The following TBC1D32 variants were observed in gnomAD, a reference collection of about 807,000 sequenced individuals.
The protein encoded by TBC1D32 is TBC1 domain family member 32.
A neutral mutation model predicts 170.3 loss-of-function variants in TBC1D32; 151 were observed. That is an observed-to-expected ratio of 0.89 (90% CI 0.78 to 1.01). TBC1D32 has a LOEUF of 1.01. Among genes scored for constraint, TBC1D32 ranks in the 50% least tolerant of loss-of-function variants. The pLI, the probability that TBC1D32 is intolerant of heterozygous loss-of-function variation, is 0.00. For missense variants in TBC1D32, 1,464 were observed against 1,457.1 expected (o/e 1.00, Z -0.08); for synonymous variants, 498 against 488.0 (o/e 1.02, Z -0.27).
intron 29 of TBC1D32, among the ~76,000 whole-genome samples, chr6:121,111,048 C>A (rs1779156997): frequency 6.6e-6 from 1 of 152,116 alleles, no homozygotes. Flanking sequence ...GAGATCATTC[C>A]GAAAACCCCG....
intron 22 of TBC1D32, among the ~76,000 whole-genome samples, chr6:121,180,244 T>A (rs1279071763): frequency 6.6e-6 from 1 of 152,124 alleles, no homozygotes; most frequent in Non-Finnish European, 1.5e-5. Context: ...TTCTGGAATT[T>A]ATATGGAAAG....
At position 121,304,339 on chromosome 6, in the gene TBC1D32, C is replaced by T. The variant is rs1010909757; in HGVS notation, c.935+26G>A. ...GGCAGTAACACCGCTAGGTTTTATG[C>T]TGGCATACATTGGGAGGGGACTTAC... On this transcript the variant is annotated intron_variant, in intron 8 of 31. Transcript: ENST00000398212. 4.3e-6 allele frequency: 7 copies of T among 1,609,346 alleles called. No homozygotes were observed. In the African/African-American group the frequency reaches 9.4e-5, roughly 22 times the overall value.
At chr6:121,226,195 A>T (rs1345285398) in intron 20 of TBC1D32, among the ~76,000 whole-genome samples, 2 of 152,126 alleles carry the variant, frequency 1.3e-5, no homozygotes, top group African/African-American at 4.8e-5. Flanking sequence ...TAAAAATAGG[A>T]ATAAAGGCAT....
In TBC1D32 at chr6:121,081,514, C is replaced by T. The variant is rs564145995; in HGVS notation, c.3655-624G>A. ...TACACTCAAGGCAAAACAAAATATG[C>T]GAAGAAAAGTCATCTTTGATTCAGT... On this transcript the variant is annotated intron_variant, in intron 31 of 31. Transcript: ENST00000398212. Among the ~76,000 whole-genome samples, 38 of 151,838 alleles carry T rather than the reference C, an allele frequency of 2.5e-4. 2 individuals are homozygous for T. The highest frequency in any genetic ancestry group is 8.7e-4 in the African/African-American group (36 of 41,428).
At chr6:121,110,699 T>A (rs966460323) in intron 29 of TBC1D32, among the ~76,000 whole-genome samples, 1 of 152,182 alleles carries the variant, frequency 6.6e-6, no homozygotes, top group Non-Finnish European at 1.5e-5. Context: ...CACTTTTAAA[T>A]AATATATTAA....
At chr6:121,272,103 A>C (rs1801528663) in intron 15 of TBC1D32, among the ~76,000 whole-genome samples, 1 of 152,182 alleles carries the variant, frequency 6.6e-6, no homozygotes, top group African/African-American at 2.4e-5. Flanking sequence ...TACAAAAATT[A>C]ATTCAAGATG....
chr6:121,282,634 G>A (rs1292629058), intron 13 of TBC1D32, among the ~76,000 whole-genome samples: 1 of 151,624 alleles, frequency 6.6e-6, no homozygotes, highest in East Asian at 1.9e-4. Context: ...TTATTGATGA[G>A]CATATGGTCA....
chr6:121,308,068 C>T lies in TBC1D32; in HGVS notation c.598G>A (p.Ala200Thr), dbSNP rs766753507. ...CAGTTGAGGACATCAGATGGAGGAG[C>T]TGAACATAATGTTTGCAAGGCTTCA... The part of the protein sequence containing the change: ...RYEALQTLCS[A>T]PPSDVLNCEN... Residue 200 changes from alanine to threonine, a missense_variant, in exon 5 of 32, where the codon GCT becomes ACT. Ala to Thr is a moderately conservative substitution (Grantham distance 58). Coordinates refer to ENST00000398212, the MANE Select transcript of TBC1D32 (RefSeq NM_152730.6). The T allele has an allele frequency of 6.2e-7, 1 of 1,613,632 alleles. No individual in the cohort carries two copies. Among genetic ancestry groups the T allele is most frequent in the Non-Finnish European group, 8.5e-7 (1 of 1,179,918 alleles).
chr6:121,189,363 T>G (rs145448796), intron 22 of TBC1D32, among the ~76,000 whole-genome samples: 78 of 152,100 alleles, frequency 5.1e-4, no homozygotes, highest in Non-Finnish European at 1.0e-3. Flanking sequence ...ACTGACACAG[T>G]GAGTCTAACT....
At chr6:121,155,373 C>A (rs929595675) in intron 24 of TBC1D32, among the ~76,000 whole-genome samples, 5 of 152,050 alleles carry the variant, frequency 3.3e-5, no homozygotes, top group African/African-American at 1.2e-4. Context: ...TTACTGAAAT[C>A]ATTTATCATT....
chr6:121,214,786 T>A lies in TBC1D32; in HGVS notation c.2481+8450A>T, dbSNP rs550199383. ...GAGGCATGTTTCGGTCCTGTTTGTG[T>A]TACTGCTCTTTCAGTCCTCCCATTT... On this transcript the variant is annotated intron_variant, in intron 21 of 31. Transcript: ENST00000398212. Among the ~76,000 whole-genome samples, 374 of 152,318 alleles carry A rather than the reference T, an allele frequency of 2.5e-3. 2 individuals carry two copies. The highest frequency in any genetic ancestry group is 8.6e-3 in the African/African-American group (357 of 41,574).
At position 121,227,646 on chromosome 6, in the gene TBC1D32, C is replaced by G. The variant is rs1583299839; in HGVS notation, c.2365-4294G>C. On this transcript the variant is annotated intron_variant, in intron 20 of 31. Transcript: ENST00000398212. Reference sequence around the variant, plus strand: ...TGAAACATTTAACCAACTTTATGTTCCTGGAATAAATCCCACTTGATCATA... The same window carrying G: ...TGAAACATTTAACCAACTTTATGTTGCTGGAATAAATCCCACTTGATCATA... Among the ~76,000 whole-genome samples, 3 of 152,046 alleles carry G rather than the reference C, an allele frequency of 2.0e-5. No individual in the cohort carries two copies. The South Asian group carries it at 6.2e-4, about 32-fold the overall frequency.
At chr6:121,149,548 T>G (rs576593307) in intron 24 of TBC1D32, among the ~76,000 whole-genome samples, 1 of 152,198 alleles carries the variant, frequency 6.6e-6, no homozygotes, top group Admixed American at 6.5e-5. Flanking sequence ...GTCAGGTTTG[T>G]CAAAGATCAG....
intron 22 of TBC1D32, among the ~76,000 whole-genome samples, chr6:121,178,795 C>A (rs1215694922): frequency 1.3e-5 from 2 of 152,170 alleles, no homozygotes; most frequent in Non-Finnish European, 2.9e-5. Context: ...CAATAGACAG[C>A]TGTAAGAAAG....
chr6:121,315,958 T>C (rs549495569), intron 3 of TBC1D32, among the ~76,000 whole-genome samples: 7 of 152,256 alleles, frequency 4.6e-5, no homozygotes, highest in Admixed American at 2.0e-4. Flanking sequence ...AATTAGTGCC[T>C]TCTAAAGCAA....
intron 9 of TBC1D32, among the ~76,000 whole-genome samples, chr6:121,300,650 C>T (rs1200410132): frequency 6.6e-6 from 1 of 152,064 alleles, no homozygotes; most frequent in African/African-American, 2.4e-5. Context: ...ATGACTAAAA[C>T]ACCAAAAGCA....
At chr6:121,216,225 C>A (rs1225780379) in intron 21 of TBC1D32, among the ~76,000 whole-genome samples, 8 of 152,180 alleles carry the variant, frequency 5.3e-5, no homozygotes, top group Non-Finnish European at 1.5e-5. Context: ...AGCCTCCCAG[C>A]CTACATCTTT....
chr6:121,159,859 C>A (rs2128242854), intron 24 of TBC1D32, 151 bp downstream of exon 24: 3 of 529,744 alleles, frequency 5.7e-6, no homozygotes, highest in African/African-American at 1.9e-5. Context: ...TAGTAAGAAA[C>A]ATGAGGAAAA....
chr6:121,154,874 C>T (rs965258177), intron 24 of TBC1D32, among the ~76,000 whole-genome samples: 2 of 152,092 alleles, frequency 1.3e-5, no homozygotes, highest in South Asian at 4.1e-4. Context: ...TCTGTTTCTG[C>T]ACCAGTACCA....
Sources: gnomAD v4.1 joint callset for allele counts (sites outside exome capture counted in the v4.1 genomes callset) on GRCh38, gnomAD v4.1.1 for gene constraint, MANE v1.5 for transcripts, NCBI Gene and HGNC (gene_info 2026-07-23, HGNC 2026-07-21) for gene names.